Variants in SAP130 observed in about 807,000 individuals in gnomAD.
SAP130 encodes the protein histone deacetylase complex subunit SAP130.
SAP130 carries 16 observed loss-of-function variants against 103.2 expected under a neutral mutation model. That is an observed-to-expected ratio of 0.16 (90% CI 0.10 to 0.24). The LOEUF is 0.24. SAP130 is among the 10% of genes least tolerant of loss of function. The pLI is 1.00. For missense variants in SAP130, 990 were observed against 1,359.7 expected, an observed-to-expected ratio of 0.73 and a Z score of 4.28; for synonymous variants, 477 against 497.0, an observed-to-expected ratio of 0.96 and a Z score of 0.53.
intron 15 of SAP130, among the ~76,000 whole-genome samples, chr2:127,966,523 T>G (rs1258128788): frequency 6.6e-6 from 1 of 151,552 alleles, no homozygotes; most frequent in Non-Finnish European, 1.5e-5. Flanking sequence ...GCCAACATGG[T>G]GAAACCCTGT....
intron 15 of SAP130, 120 bp downstream of exon 15, chr2:127,977,865 T>C (rs886911261): frequency 2.5e-5 from 19 of 747,142 alleles, no homozygotes; most frequent in Admixed American, 2.1e-4. Context: ...GAATAGCCAC[T>C]GCACTCCAGC....
chr2:128,001,266 G>T (rs1027488654), intron 7 of SAP130, among the ~76,000 whole-genome samples: 4 of 152,196 alleles, frequency 2.6e-5, no homozygotes, highest in African/African-American at 4.8e-5. Flanking sequence ...GAGGCCACAG[G>T]CGGCAGCTCA....
In SAP130 at chr2:127,996,224, CA is replaced by C; in HGVS notation, c.1355+125del. 4.8e-6 allele frequency: 4 copies of C among 833,122 alleles called. No homozygotes were observed. Among genetic ancestry groups the C allele is most frequent in the East Asian group, 4.1e-5 (1 of 24,194 alleles). The allele number at this position is 833,122 out of a possible 1,614,324, so 51.6% of individuals were successfully genotyped here. A position where few individuals can be genotyped will look rare whatever the true frequency, so the allele number is the denominator to read the frequency against. ...AAGGAATTATACGAAGTGTTACTTT[CA>C]GGGGAAAATCTGAAAACATGAGTAA... is the stretch of plus-strand genomic sequence containing the variant. On this transcript the variant is annotated intron_variant, in intron 11 of 20. Transcript: ENST00000643581. This position sits in a 1 kb window ranked among gnomAD's most constrained non-coding sequence, Gnocchi z 4.3.
At chr2:127,958,798 A>G (rs1680031123) in intron 15 of SAP130, among the ~76,000 whole-genome samples, 1 of 152,036 alleles carries the variant, frequency 6.6e-6, no homozygotes, top group African/African-American at 2.4e-5. Flanking sequence ...AGCTGGGACT[A>G]AAGGTATGTG....
intron 15 of SAP130, among the ~76,000 whole-genome samples, chr2:127,977,433 G>A (rs543407330): frequency 1.1e-4 from 17 of 151,420 alleles, no homozygotes; most frequent in African/African-American, 3.9e-4. Context: ...ATGGGAGGCC[G>A]AAGTTGCAGT....
intron 15 of SAP130, among the ~76,000 whole-genome samples, chr2:127,959,721 G>A (rs1170365386): frequency 6.6e-6 from 1 of 152,084 alleles, no homozygotes; most frequent in Non-Finnish European, 1.5e-5. Context: ...AAATGATGAA[G>A]CAAATTACCT....
chr2:128,019,304 T>C (rs1311692990), intron 2 of SAP130, among the ~76,000 whole-genome samples: 1 of 152,128 alleles, frequency 6.6e-6, no homozygotes, highest in Non-Finnish European at 1.5e-5. Context: ...GGTCTCACTC[T>C]GTCTCCCAGG....
At chr2:128,012,944 A>G in intron 6 of SAP130, 86 bp downstream of exon 6, 2 of 1,298,544 alleles carry the variant, frequency 1.5e-6, no homozygotes, top group Non-Finnish European at 2.0e-6. Flanking sequence ...CTAGATGGAA[A>G]GTCCCTGAGG....
chr2:127,957,002 G>C (rs1162590268), intron 15 of SAP130, among the ~76,000 whole-genome samples: 1 of 152,170 alleles, frequency 6.6e-6, no homozygotes, highest in Non-Finnish European at 1.5e-5. Flanking sequence ...TCAACCTATA[G>C]AAATGAAAAT....
chr2:127,943,102 G>A (rs1678821139), intron 19 of SAP130, among the ~76,000 whole-genome samples: 1 of 152,182 alleles, frequency 6.6e-6, no homozygotes, highest in Non-Finnish European at 1.5e-5. Flanking sequence ...GATAACTTTT[G>A]AATACTGCCT....
chr2:127,968,663 G>A (rs1214239309), intron 15 of SAP130, among the ~76,000 whole-genome samples: 2 of 151,870 alleles, frequency 1.3e-5, no homozygotes, highest in East Asian at 2.0e-4. Flanking sequence ...GACAACAGGT[G>A]CACCACTACG....
chr2:128,021,152 T>C (rs1685125449), intron 2 of SAP130, among the ~76,000 whole-genome samples: 2 of 151,964 alleles, frequency 1.3e-5, no homozygotes, highest in Admixed American at 1.3e-4. Context: ...AAGTGCTGGA[T>C]GAAAAGAGTG....
intron 7 of SAP130, among the ~76,000 whole-genome samples, chr2:128,008,828 G>A (rs1244080232): frequency 6.6e-6 from 1 of 151,804 alleles, no homozygotes; most frequent in Non-Finnish European, 1.5e-5. Flanking sequence ...TGGGACCATA[G>A]GTACACACCA....
chr2:127,986,062 C>T lies in SAP130; in HGVS notation c.1958+723G>A, dbSNP rs181090556. ...TGAGAGCTACTTCTACTCAGTAAAACCCTACACTCATTCTCCAAGCCCACG... is the reference window on the plus strand; with the variant it reads ...TGAGAGCTACTTCTACTCAGTAAAATCCTACACTCATTCTCCAAGCCCACG... On this transcript the variant is annotated intron_variant, in intron 14 of 20. Coordinates refer to ENST00000643581, the MANE Select transcript of SAP130 (RefSeq NM_001330301.2). This position sits in a 1 kb window ranked among gnomAD's most constrained non-coding sequence, Gnocchi z 4.7. Among the ~76,000 whole-genome samples, 2 of 152,314 alleles carry T rather than the reference C, an allele frequency of 1.3e-5. No homozygotes were observed. The highest frequency in any genetic ancestry group is 2.9e-5 in the Non-Finnish European group (2 of 68,038).
In SAP130 at chr2:127,996,875, C is replaced by T. The variant is rs1196324601; in HGVS notation, c.1214-384G>A. On this transcript the variant is annotated intron_variant, in intron 10 of 20. Coordinates refer to ENST00000643581, the MANE Select transcript of SAP130 (RefSeq NM_001330301.2). The surrounding 1 kb of genome is among the most constrained non-coding windows in gnomAD (Gnocchi z 4.3). Reference sequence around the variant, plus strand: ...AAGGCTACAGTGAGCCATGACTGCACCACTATACTCCAGCCTCACTCACAG... The same window carrying T: ...AAGGCTACAGTGAGCCATGACTGCATCACTATACTCCAGCCTCACTCACAG... Among the ~76,000 whole-genome samples the T allele has an allele frequency of 6.6e-6, 1 of 152,014 alleles. No homozygotes were observed. The highest frequency in any genetic ancestry group is 2.4e-5 in the African/African-American group (1 of 41,364).
At chr2:127,978,274 T>C (rs1681617203) in intron 14 of SAP130, among the ~76,000 whole-genome samples, 185 bp from the exon 15 acceptor site, 1 of 151,604 alleles carries the variant, frequency 6.6e-6, no homozygotes, top group Non-Finnish European at 1.5e-5. Flanking sequence ...ACTCAAATAG[T>C]ACACAAAATC....
chr2:127,963,134 A>G (rs942844631), intron 15 of SAP130, among the ~76,000 whole-genome samples: 3 of 152,172 alleles, frequency 2.0e-5, no homozygotes, highest in East Asian at 1.9e-4. Flanking sequence ...AGTTGGAAAT[A>G]TATCTTCCCA....
intron 15 of SAP130, among the ~76,000 whole-genome samples, chr2:127,973,566 T>C (rs1022621528): frequency 6.6e-6 from 1 of 152,188 alleles, no homozygotes; most frequent in South Asian, 2.1e-4. Context: ...ATCTGTCTAT[T>C]TGACATCTCC....
intron 19 of SAP130, among the ~76,000 whole-genome samples, chr2:127,945,023 C>A (rs1678979412): frequency 6.6e-6 from 1 of 151,818 alleles, no homozygotes; most frequent in Non-Finnish European, 1.5e-5. Context: ...TGGAAGCTGG[C>A]AGGGAACTGG....
Sources: allele counts gnomAD v4.1 joint callset (sites outside exome capture counted in the v4.1 genomes callset), GRCh38; gene constraint gnomAD v4.1.1; non-coding constraint Gnocchi (gnomAD v3.1); transcripts MANE v1.5; gene names NCBI Gene and HGNC (gene_info 2026-07-23, HGNC 2026-07-21).